The following RIPK1 variants were observed in gnomAD, a reference collection of about 807,000 sequenced individuals.
RIPK1 encodes the protein receptor-interacting serine/threonine-protein kinase 1.
RIPK1 carries 27 observed loss-of-function variants against 62.4 expected under a neutral mutation model. That is an observed-to-expected ratio of 0.43 (90% CI 0.32 to 0.60). The LOEUF (loss-of-function observed/expected upper bound fraction) is 0.60. Ranked by LOEUF, RIPK1 falls within the 20% of genes least tolerant of loss-of-function variation. The pLI is 0.07. For synonymous variants in RIPK1, 287 were observed against 303.2 expected (o/e 0.95, Z 0.55); for missense variants, 735 against 831.0 (o/e 0.88, Z 1.42).
rs1366800120 is a variant in RIPK1 at position 3,106,013 on chromosome 6, A to G, written c.1538A>G (p.Asn513Ser). 1 of 1,612,522 alleles carries G rather than the reference A, an allele frequency of 6.2e-7. No individual in the cohort carries two copies. Among genetic ancestry groups the G allele is most frequent in the Non-Finnish European group, 8.5e-7 (1 of 1,178,616 alleles). ...IPVPETNYLG[N>S]TPTMPFSSLP... The stretch of plus-strand genomic sequence containing the variant: ...GTGCCTGAGACCAACTATCTAGGAA[A>G]TACACCCACCATGCCATTCAGCTCC... Residue 513 changes from asparagine (N) to serine (S), a missense_variant, in exon 9 of 11, where the codon AAT becomes AGT. Asn to Ser is a conservative substitution (Grantham distance 46). Around this residue, in one of 2 missense-constraint regions of RIPK1, gnomAD observed 671 missense variants for 726.2 expected, o/e 0.92. Transcript: ENST00000259808.
chr6:3,103,304 A>T (rs539803508), intron 7 of RIPK1, among the ~76,000 whole-genome samples: 26 of 141,034 alleles, frequency 1.8e-4, no homozygotes, highest in Admixed American at 6.3e-4. Context: ...TTATTTATTT[A>T]TTTTTTTTTT....
At chr6:3,081,860 TAAAAAAAAAAAAAAA>T (rs58330257) in intron 4 of RIPK1, among the ~76,000 whole-genome samples, 11 of 22,852 alleles carry the variant, frequency 4.8e-4, no homozygotes, top group South Asian at 2.5e-3. Context: ...AACTCTGCCT[TAAAAAAAAAAAAAAA>T]AAAAAAAAAA....
At chr6:3,095,254 A>C (rs1760227522) in intron 7 of RIPK1, among the ~76,000 whole-genome samples, 1 of 152,222 alleles carries the variant, frequency 6.6e-6, no homozygotes, top group Non-Finnish European at 1.5e-5. Flanking sequence ...AAGCTAACTC[A>C]AATAGAGATA....
chr6:3,096,173 C>T (rs1391032175), intron 7 of RIPK1, among the ~76,000 whole-genome samples: 2 of 152,142 alleles, frequency 1.3e-5, no homozygotes, highest in African/African-American at 2.4e-5. Flanking sequence ...GACCAAGCTA[C>T]TTACCACCCC....
At chr6:3,067,046 C>G (rs1403258458), upstream of RIPK1, among the ~76,000 whole-genome samples, 1 of 116,470 alleles carries the variant, frequency 8.6e-6, no homozygotes, top group East Asian at 2.4e-4. Context: ...TAGGATTGCT[C>G]CAGGATTTTT....
At chr6:3,064,601 G>A (rs1459203360), upstream of RIPK1, among the ~76,000 whole-genome samples, 3 of 152,146 alleles carry the variant, frequency 2.0e-5, no homozygotes, top group Non-Finnish European at 4.4e-5. Flanking sequence ...TGTGGGACCC[G>A]CCAGCAAGAT....
At chr6:3,107,715 A>T (rs1313453035) in intron 9 of RIPK1, among the ~76,000 whole-genome samples, 1 of 152,052 alleles carries the variant, frequency 6.6e-6, no homozygotes, top group African/African-American at 2.4e-5. Context: ...CCCTAAACCA[A>T]TATTTAATGT....
intron 5 of RIPK1, among the ~76,000 whole-genome samples, chr6:3,083,671 G>A (rs1298881398): frequency 6.6e-6 from 1 of 152,192 alleles, no homozygotes; most frequent in African/African-American, 2.4e-5. Flanking sequence ...ATAAAGATGA[G>A]TAAGTCGTGG....
chr6:3,075,301 T>C (rs907400569), intron 1 of RIPK1, among the ~76,000 whole-genome samples: 51 of 152,194 alleles, frequency 3.4e-4, no homozygotes, highest in African/African-American at 1.1e-3. Context: ...GTTTTTATTC[T>C]ATATTTCAGT....
intron 7 of RIPK1, among the ~76,000 whole-genome samples, chr6:3,101,259 A>T (rs1383805669): frequency 6.6e-6 from 1 of 152,142 alleles, no homozygotes; most frequent in African/African-American, 2.4e-5. Context: ...TCTCAAGAAA[A>T]AAAACAACAA....
Position 3,106,043 on chromosome 6 carries a change from C to T in RIPK1, c.1568C>T (p.Pro523Leu). Residue 523 changes from proline to leucine, a missense_variant, in exon 9 of 11, where the codon CCA becomes CTA. Coordinates refer to ENST00000259808, the MANE Select transcript of RIPK1 (RefSeq NM_001354930.2). ...CCCACCATGCCATTCAGCTCCTTGC[C>T]ACCAACAGGTAAATGGGTCTTCGAT... ...NTPTMPFSSL[P>L]PTDESIKYTI... 6.2e-7 allele frequency: 1 copy of T among 1,600,318 alleles called. No individual in the cohort carries two copies. Among genetic ancestry groups the T allele is most frequent in the Non-Finnish European group, 8.5e-7 (1 of 1,170,312 alleles).
intron 1 of RIPK1, among the ~76,000 whole-genome samples, chr6:3,073,809 C>A (rs1193376526): frequency 2.0e-5 from 3 of 152,142 alleles, no homozygotes; most frequent in Non-Finnish European, 4.4e-5. Flanking sequence ...CAAGGTATTT[C>A]TTTTTTCATT....
At chr6:3,080,289 C>T (rs776789606) in intron 3 of RIPK1, among the ~76,000 whole-genome samples, 1 of 152,150 alleles carries the variant, frequency 6.6e-6, no homozygotes, top group African/African-American at 2.4e-5. Flanking sequence ...TGTAATTTAA[C>T]CACTATAATA....
intron 1 of RIPK1, among the ~76,000 whole-genome samples, chr6:3,069,080 G>A (rs1446264354): frequency 2.0e-5 from 3 of 152,236 alleles, no homozygotes; most frequent in Admixed American, 6.5e-5. Flanking sequence ...GCGCTGGACT[G>A]GTAGCGGGCG....
chr6:3,096,931 C>T (rs185542387), intron 7 of RIPK1, among the ~76,000 whole-genome samples: 2 of 151,942 alleles, frequency 1.3e-5, no homozygotes, highest in African/African-American at 2.4e-5. Context: ...AGTTCAGAGG[C>T]GCAATCTCGG....
intron 10 of RIPK1, 23 bp downstream of exon 10, chr6:3,110,978 A>T: frequency 6.5e-7 from 1 of 1,549,990 alleles, no homozygotes; most frequent in Non-Finnish European, 8.7e-7. Context: ...GGAAGGACTC[A>T]ACGCCTAGCA....
Position 3,113,615 on chromosome 6 carries a change from G to A in RIPK1, c.*276G>A. Reference sequence around the variant, plus strand: ...CTGGGATATCAGGCACTGAGCCACTGCGCCCAGCCAACAATCCGCTCTGAG... The same window carrying A: ...CTGGGATATCAGGCACTGAGCCACTACGCCCAGCCAACAATCCGCTCTGAG... On this transcript the variant is annotated 3_prime_UTR_variant, in exon 11 of 11. Transcript: ENST00000259808. The surrounding 1 kb of genome is among the most constrained non-coding windows in gnomAD (Gnocchi z 5.0). 2.6e-6 allele frequency: 1 copy of A among 383,132 alleles called. No homozygotes were observed. The highest frequency in any genetic ancestry group is 4.8e-5 in the South Asian group (1 of 20,880). 23.7% of individuals were successfully genotyped at this position (383,132 alleles called of 1,614,324 possible).
At chr6:3,108,493 C>T (rs951195377) in intron 9 of RIPK1, among the ~76,000 whole-genome samples, 2 of 152,096 alleles carry the variant, frequency 1.3e-5, no homozygotes, top group African/African-American at 2.4e-5. Context: ...AATAAACCTC[C>T]ATGTAAGCCC....
At chr6:3,110,080 G>A (rs1761077248) in intron 9 of RIPK1, among the ~76,000 whole-genome samples, 1 of 152,130 alleles carries the variant, frequency 6.6e-6, no homozygotes, top group African/African-American at 2.4e-5. Context: ...GAATAATGCT[G>A]CAGTGAACAC....
Sources: gnomAD v4.1 joint callset for allele counts (sites outside exome capture counted in the v4.1 genomes callset) on GRCh38, gnomAD v4.1.1 for gene constraint, gnomAD v4.1.1 regional missense constraint, Gnocchi (gnomAD v3.1) non-coding constraint, MANE v1.5 for transcripts, NCBI Gene and HGNC (gene_info 2026-07-23, HGNC 2026-07-21) for gene names.